CUL5: variants seen among roughly 807,000 people sequenced by gnomAD.
The protein encoded by CUL5 is cullin 5, also known as cullin-5.
CUL5 carries 26 observed loss-of-function variants against 108.8 expected under a neutral mutation model. The observed-to-expected ratio is 0.24, with a 90% CI of 0.18 to 0.33. The LOEUF (loss-of-function observed/expected upper bound fraction) is 0.33. CUL5 is among the 10% of genes least tolerant of loss of function. CUL5 has a pLI of 1.00. For synonymous variants in CUL5, 334 were observed against 298.0 expected, an observed-to-expected ratio of 1.12 and a Z score of -1.25; for missense variants, 524 against 909.2, an observed-to-expected ratio of 0.58 and a Z score of 5.45.
intron 1 of CUL5, among the ~76,000 whole-genome samples, chr11:108,022,408 C>T (rs1862348627): frequency 6.6e-6 from 1 of 152,094 alleles, no homozygotes; most frequent in African/African-American, 2.4e-5. Context: ...TACTGTATTT[C>T]TACACCATTA....
intron 10 of CUL5, among the ~76,000 whole-genome samples, chr11:108,076,349 A>T (rs905628354): frequency 2.6e-5 from 4 of 152,032 alleles, no homozygotes; most frequent in South Asian, 2.1e-4. Flanking sequence ...TAATTTTACT[A>T]CCTATAGTTC....
At chr11:108,040,611 CAAAAAAAAA>C (rs71047667) in intron 2 of CUL5, among the ~76,000 whole-genome samples, 4 of 112,708 alleles carry the variant, frequency 3.5e-5, no homozygotes, top group Admixed American at 9.3e-5. Flanking sequence ...GACTCCGTCT[CAAAAAAAAA>C]AAAAAAAAAA....
chr11:108,081,739 G>C (rs1053983479), intron 11 of CUL5, among the ~76,000 whole-genome samples: 1 of 152,152 alleles, frequency 6.6e-6, no homozygotes, highest in African/African-American at 2.4e-5. Flanking sequence ...GTGAGAGTGC[G>C]AGTCTCCGTC....
intron 1 of CUL5, among the ~76,000 whole-genome samples, chr11:108,026,728 C>T (rs555589091): frequency 1.3e-5 from 2 of 152,190 alleles, no homozygotes; most frequent in South Asian, 4.1e-4. Flanking sequence ...CAGTGGCTCA[C>T]GTTTGTAATC....
At chr11:108,103,884 G>A (rs902373164) in intron 18 of CUL5, among the ~76,000 whole-genome samples, 4 of 152,076 alleles carry the variant, frequency 2.6e-5, no homozygotes, top group Admixed American at 6.6e-5. Flanking sequence ...GGGTATACAC[G>A]TGTCATGGTC....
intron 1 of CUL5, among the ~76,000 whole-genome samples, chr11:108,025,545 A>G (rs1033694837): frequency 4.6e-5 from 7 of 152,264 alleles, no homozygotes; most frequent in Admixed American, 2.6e-4. Context: ...TATAGACTCA[A>G]TAACTTTCTG....
At position 108,107,339 on chromosome 11, in the gene CUL5, C is replaced by T. The variant is rs1864827156; in HGVS notation, c.*2955C>T. The T allele has an allele frequency of 6.6e-6, 1 of 152,492 alleles. No individual in the cohort carries two copies. The highest frequency in any genetic ancestry group is 1.5e-5 in the Non-Finnish European group (1 of 67,988). The allele number at this position is 152,492 out of a possible 1,614,324, so 9.4% of individuals were successfully genotyped here. On this transcript the variant is annotated 3_prime_UTR_variant, in exon 19 of 19. Transcript: ENST00000393094. ...GATGTCTCTAGCACTGCTCAAAGGG[C>T]AAATTTTAAAACTTCAGTCTGGGTG...
At chr11:108,099,334 C>T (rs73557192) in intron 18 of CUL5, among the ~76,000 whole-genome samples, 5 of 151,442 alleles carry the variant, frequency 3.3e-5, no homozygotes, top group Admixed American at 1.3e-4. Context: ...TAAAACAAGA[C>T]GAAAAGATTA....
chr11:108,091,406 C>T (rs1046532802), intron 13 of CUL5, among the ~76,000 whole-genome samples: 1 of 151,530 alleles, frequency 6.6e-6, no homozygotes, highest in African/African-American at 2.4e-5. Context: ...AAATGACAAA[C>T]AAGGCTAGGC....
chr11:108,033,858 G>C lies in CUL5; in HGVS notation c.81G>C (p.Leu27Phe). The C allele has an allele frequency of 6.2e-7, 1 of 1,612,040 alleles. No individual in the cohort carries two copies. Among genetic ancestry groups the C allele is most frequent in the Non-Finnish European group, 8.5e-7 (1 of 1,179,370 alleles). ...DKWDFMRPIV[L>F]KLLRQESVTK... ...GGGATTTTATGCGCCCGATTGTTTT[G>C]AAGCTTTTACGCCAGGAATCTGTTA... Residue 27 changes from leucine (L) to phenylalanine (F), a missense_variant, in exon 2 of 19, where the codon TTG becomes TTC. Around this residue, in one of 8 missense-constraint regions of CUL5, gnomAD observed 76 missense variants for 90.8 expected, o/e 0.84. Transcript: ENST00000393094.
At chr11:108,082,341 C>T (rs1487882824) in intron 11 of CUL5, among the ~76,000 whole-genome samples, 2 of 150,630 alleles carry the variant, frequency 1.3e-5, no homozygotes, top group East Asian at 1.9e-4. Context: ...AGTGCAGTGG[C>T]GCAATCATGG....
At chr11:108,078,143 T>C (rs375224151) in intron 10 of CUL5, 33 bp from the exon 11 acceptor site, 7 of 1,252,278 alleles carry the variant, frequency 5.6e-6, no homozygotes, top group Non-Finnish European at 6.7e-6. Flanking sequence ...TTTTCAATAT[T>C]AAAAATATTT....
At chr11:108,056,625 CT>C (rs780496296) in intron 7 of CUL5, among the ~76,000 whole-genome samples, 3 of 151,422 alleles carry the variant, frequency 2.0e-5, no homozygotes, top group Admixed American at 1.3e-4. Flanking sequence ...AGGCTGTTGA[CT>C]TTTTTTTTAA....
At chr11:108,054,121 C>A (rs1863312009) in intron 5 of CUL5, among the ~76,000 whole-genome samples, 1 of 152,176 alleles carries the variant, frequency 6.6e-6, no homozygotes, top group Non-Finnish European at 1.5e-5. Flanking sequence ...GCTGGGATTA[C>A]AAGTGTGAGC....
chr11:108,084,263 A>G (rs1375505603), intron 11 of CUL5, among the ~76,000 whole-genome samples: 2 of 152,262 alleles, frequency 1.3e-5, no homozygotes, highest in East Asian at 3.9e-4. Context: ...AGCTATAGAA[A>G]CAGCTATGAC....
chr11:108,083,536 A>G (rs563813637), intron 11 of CUL5, among the ~76,000 whole-genome samples: 3 of 152,370 alleles, frequency 2.0e-5, no homozygotes, highest in Admixed American at 1.3e-4. Context: ...CATGCCTGTC[A>G]TCTCAGCACT....
chr11:108,054,593 C>A, intron 5 of CUL5, 54 bp from the exon 6 acceptor site: 2 of 1,252,554 alleles, frequency 1.6e-6, no homozygotes, highest in Admixed American at 2.3e-5. Context: ...TTATTATACT[C>A]AAAATACTGA....
At chr11:108,089,461 A>C in intron 12 of CUL5, 31 bp from the exon 13 acceptor site, 1 of 1,497,468 alleles carries the variant, frequency 6.7e-7, no homozygotes, top group Non-Finnish European at 9.0e-7. Context: ...AGAGTATATA[A>C]GAACTGAAAG....
intron 9 of CUL5, 133 bp downstream of exon 9, chr11:108,072,595 AAGTTATAGTTCAAT>A (rs1214324253): frequency 1.6e-6 from 1 of 609,394 alleles, no homozygotes; most frequent in East Asian, 2.9e-5. Context: ...GTGGGGTATA[AAGTTATAGTTCAAT>A]AGGAAGAATA....
Sources: gnomAD v4.1 joint callset for allele counts (sites outside exome capture counted in the v4.1 genomes callset) on GRCh38, gnomAD v4.1.1 for gene constraint, gnomAD v4.1.1 regional missense constraint, MANE v1.5 for transcripts, NCBI Gene and HGNC (gene_info 2026-07-23, HGNC 2026-07-21) for gene names.